KCNIP4: variants seen among roughly 807,000 people sequenced by gnomAD.
KCNIP4 encodes the protein potassium voltage-gated channel interacting protein 4, also known as Kv channel-interacting protein 4.
KCNIP4 carries 12 observed loss-of-function variants against 34.0 expected under a neutral mutation model. The ratio of observed to expected loss-of-function variants is 0.35; its 90% CI spans 0.23 to 0.57. The LOEUF (loss-of-function observed/expected upper bound fraction) is 0.57, where lower values mean the gene tolerates loss of function less well. KCNIP4 is among the 20% of genes least tolerant of loss of function. KCNIP4 has a pLI of 0.83. For synonymous variants in KCNIP4, 124 were observed against 102.2 expected, an observed-to-expected ratio of 1.21 and a Z score of -1.29; for missense variants, 238 against 311.7, an observed-to-expected ratio of 0.76 and a Z score of 1.78.
intron 1 of KCNIP4, among the ~76,000 whole-genome samples, chr4:21,293,707 G>C (rs1055463296): frequency 6.6e-6 from 1 of 152,158 alleles, no homozygotes; most frequent in East Asian, 1.9e-4. Flanking sequence ...AGCAGATCTT[G>C]GTATTGTGGG....
intron 1 of KCNIP4, among the ~76,000 whole-genome samples, chr4:20,917,909 G>A (rs755906990): frequency 6.6e-6 from 1 of 152,146 alleles, no homozygotes; most frequent in African/African-American, 2.4e-5. Context: ...TTGTTTTAAC[G>A]TGTCCAACTT....
At chr4:21,575,896 T>C (rs558680306) in intron 1 of KCNIP4, among the ~76,000 whole-genome samples, 2 of 152,288 alleles carry the variant, frequency 1.3e-5, no homozygotes, top group South Asian at 2.1e-4. Flanking sequence ...CAGACAACCC[T>C]TAGAATGGTC....
intron 1 of KCNIP4, chr4:21,464,787 C>T (rs1300978367): frequency 1.3e-5 from 2 of 152,078 alleles, no homozygotes; most frequent in Non-Finnish European, 2.9e-5. Context: ...ACACAATGTT[C>T]CATACCAAAG....
chr4:21,876,194 A>T (rs1418898113), intron 1 of KCNIP4, among the ~76,000 whole-genome samples: 3 of 152,192 alleles, frequency 2.0e-5, no homozygotes, highest in African/African-American at 7.2e-5. Flanking sequence ...TTAACTATCA[A>T]TATGTAGAAA....
intron 1 of KCNIP4, among the ~76,000 whole-genome samples, chr4:21,796,217 C>A (rs1347397393): frequency 6.6e-6 from 1 of 152,112 alleles, no homozygotes; most frequent in East Asian, 1.9e-4. Flanking sequence ...GTTCATATGG[C>A]CTGTAATGTA....
intron 1 of KCNIP4, among the ~76,000 whole-genome samples, chr4:21,003,270 C>T (rs6857800): frequency 0.41 from 61,772 of 151,638 alleles, 13,194 homozygotes; most frequent in South Asian, 0.53. Context: ...TCTATCTTCC[C>T]GGAACTGGTA....
intron 1 of KCNIP4, among the ~76,000 whole-genome samples, chr4:21,341,220 C>T (rs1007972876): frequency 1.3e-5 from 2 of 152,134 alleles, no homozygotes; most frequent in Non-Finnish European, 2.9e-5. Flanking sequence ...GCCCTGCAGA[C>T]ACCTTTCTTT....
At chr4:20,730,934 A>AT (rs1470400481) in intron 8 of KCNIP4, among the ~76,000 whole-genome samples, 36 of 152,198 alleles carry the variant, frequency 2.4e-4, no homozygotes, top group Non-Finnish European at 5.1e-4. Context: ...ATGTCACCAA[A>AT]TTAATTCTCT....
intron 1 of KCNIP4, among the ~76,000 whole-genome samples, chr4:21,093,484 A>T: frequency 6.6e-6 from 1 of 152,340 alleles, no homozygotes. Context: ...AAACTTCTTC[A>T]GAAACAAGAC....
intron 1 of KCNIP4, among the ~76,000 whole-genome samples, chr4:21,301,891 G>A (rs1332296476): frequency 3.9e-5 from 6 of 152,122 alleles, no homozygotes; most frequent in Non-Finnish European, 8.8e-5. Flanking sequence ...GTCTTATACA[G>A]ACTTCCAAAT....
intron 1 of KCNIP4, among the ~76,000 whole-genome samples, chr4:20,932,532 T>G (rs2149603844): frequency 6.6e-6 from 1 of 152,190 alleles, no homozygotes; most frequent in Middle Eastern, 3.4e-3. Context: ...TAAGGCTTTT[T>G]GTTAAATAAG....
At chr4:21,724,577 T>A (rs1301798262) in intron 1 of KCNIP4, among the ~76,000 whole-genome samples, 2 of 151,542 alleles carry the variant, frequency 1.3e-5, no homozygotes, top group Non-Finnish European at 2.9e-5. Flanking sequence ...GGCCTTTTTT[T>A]TTTTTAACCT....
intron 1 of KCNIP4, among the ~76,000 whole-genome samples, chr4:21,335,158 A>G (rs897633189): frequency 2.6e-5 from 4 of 152,034 alleles, no homozygotes; most frequent in African/African-American, 9.7e-5. Context: ...TAGTAGGAAA[A>G]AAAAATACAC....
At chr4:21,133,014 GAAAA>G (rs11342415) in intron 1 of KCNIP4, among the ~76,000 whole-genome samples, 6 of 145,932 alleles carry the variant, frequency 4.1e-5, no homozygotes, top group South Asian at 4.4e-4. Flanking sequence ...CTCCATCTCA[GAAAA>G]AAAAAAAAAA....
At chr4:20,918,988 C>T (rs182507936) in intron 1 of KCNIP4, among the ~76,000 whole-genome samples, 9 of 152,272 alleles carry the variant, frequency 5.9e-5, no homozygotes, top group Admixed American at 2.0e-4. Context: ...GGCAAGGCAT[C>T]CAGGTATAAA....
At chr4:21,277,841 T>A (rs1213346748) in intron 1 of KCNIP4, among the ~76,000 whole-genome samples, 1 of 152,116 alleles carries the variant, frequency 6.6e-6, no homozygotes, top group African/African-American at 2.4e-5. Context: ...AGAAAAGAAA[T>A]CCATACTGAG....
intron 1 of KCNIP4, among the ~76,000 whole-genome samples, chr4:21,056,807 A>G (rs1330441020): frequency 6.6e-6 from 1 of 152,046 alleles, no homozygotes; most frequent in African/African-American, 2.4e-5. Context: ...CCTAAATCCA[A>G]TGTGATAATA....
intron 1 of KCNIP4, among the ~76,000 whole-genome samples, chr4:20,990,496 G>A (rs1249811255): frequency 6.6e-6 from 1 of 152,118 alleles, no homozygotes; most frequent in Non-Finnish European, 1.5e-5. Flanking sequence ...AAAGCTGAGG[G>A]AAAAAACTAC....
chr4:21,417,755 G>T (rs1368188659), intron 1 of KCNIP4, among the ~76,000 whole-genome samples: 3 of 152,128 alleles, frequency 2.0e-5, no homozygotes, highest in Non-Finnish European at 4.4e-5. Flanking sequence ...TGCCATATTT[G>T]CTCACAGATA....
Sources: allele counts gnomAD v4.1 joint callset (sites outside exome capture counted in the v4.1 genomes callset), GRCh38; gene constraint gnomAD v4.1.1; transcripts MANE v1.5; gene names NCBI Gene and HGNC (gene_info 2026-07-23, HGNC 2026-07-21).